TRUB1: variants seen among roughly 807,000 people sequenced by gnomAD.
The protein encoded by TRUB1 is pseudouridylate synthase TRUB1.
A neutral mutation model predicts 33.9 loss-of-function variants in TRUB1; 23 were observed. That is an observed-to-expected ratio of 0.68 (90% CI 0.49 to 0.96). The LOEUF (loss-of-function observed/expected upper bound fraction) is 0.96. Among genes scored for constraint, TRUB1 ranks in the 40% least tolerant of loss-of-function variants. TRUB1 has a pLI of 0.00. For missense variants in TRUB1, 378 were observed against 422.2 expected (o/e 0.90, Z 0.92); for synonymous variants, 163 against 165.4 (o/e 0.99, Z 0.11).
At chr10:114,953,071 C>T (rs2084244319) in intron 3 of TRUB1, among the ~76,000 whole-genome samples, 1 of 152,078 alleles carries the variant, frequency 6.6e-6, no homozygotes, top group Non-Finnish European at 1.5e-5. Context: ...TTCACCCCTC[C>T]TCCCCCAAAC....
At chr10:114,965,675 C>T (rs912651594) in intron 4 of TRUB1, among the ~76,000 whole-genome samples, 3 of 152,084 alleles carry the variant, frequency 2.0e-5, no homozygotes, top group African/African-American at 7.2e-5. Flanking sequence ...TACAGGTAGA[C>T]ATCTGTTCTT....
intron 4 of TRUB1, 158 bp downstream of exon 4, chr10:114,959,965 C>T: frequency 1.7e-6 from 1 of 572,678 alleles, no homozygotes; most frequent in Non-Finnish European, 3.1e-6. Flanking sequence ...CGCATTGTTG[C>T]TTACTTGATA....
rs916627342 is a variant in TRUB1, at chr10:114,977,080, A to C, written c.*1701A>C. On this transcript the variant is annotated 3_prime_UTR_variant, in exon 8 of 8. Coordinates refer to ENST00000298746, the MANE Select transcript of TRUB1 (RefSeq NM_139169.5). ...GCTGTATTTTTCACCTTAAAAATTG[A>C]CACAGAGTTTACTAATAGAGGAGTA... 6.6e-6 allele frequency: 1 copy of C among 152,172 alleles called. No individual in the cohort carries two copies. Among genetic ancestry groups the C allele is most frequent in the Non-Finnish European group, 1.5e-5 (1 of 67,998 alleles). The allele number at this position is 152,172 out of a possible 1,614,324, so 9.4% of individuals were successfully genotyped here. A position where few individuals can be genotyped will look rare whatever the true frequency, so the allele number is the denominator to read the frequency against.
rs372239741 is a variant in TRUB1, at chr10:114,964,706, C to T, written c.523+4899C>T. Among the ~76,000 whole-genome samples the T allele has an allele frequency of 5.9e-5, 9 of 152,196 alleles. No individual in the cohort carries two copies. In the East Asian group the frequency reaches 1.7e-3, roughly 29 times the overall value. On this transcript the variant is annotated intron_variant, in intron 4 of 7. Coordinates refer to ENST00000298746, the MANE Select transcript of TRUB1 (RefSeq NM_139169.5). Reference sequence around the variant, plus strand: ...CACCTTTTCTTCCTGCATGGATGTCCAGTTGCTTCAGCACTTTCCCAGTAC... The same window carrying T: ...CACCTTTTCTTCCTGCATGGATGTCTAGTTGCTTCAGCACTTTCCCAGTAC...
At chr10:114,940,191 G>C (rs149694614) in intron 1 of TRUB1, among the ~76,000 whole-genome samples, 1 of 152,044 alleles carries the variant, frequency 6.6e-6, no homozygotes, top group African/African-American at 2.4e-5. Flanking sequence ...GCAAGATCTC[G>C]GCTCACTGCA....
intron 2 of TRUB1, among the ~76,000 whole-genome samples, chr10:114,950,298 A>G (rs1180272618): frequency 6.6e-6 from 1 of 152,194 alleles, no homozygotes; most frequent in Non-Finnish European, 1.5e-5. Context: ...TGCTGTAAAT[A>G]TTGGAGATAT....
intron 7 of TRUB1, 116 bp from the exon 8 acceptor site, chr10:114,975,007 T>C (rs2084353573): frequency 8.2e-7 from 1 of 1,214,382 alleles, no homozygotes; most frequent in Non-Finnish European, 1.1e-6. Context: ...TGGATTATTA[T>C]ACTTTTGGGT....
chr10:114,940,664 A>G (rs2084182511), intron 1 of TRUB1, among the ~76,000 whole-genome samples: 1 of 152,230 alleles, frequency 6.6e-6, no homozygotes, highest in Non-Finnish European at 1.5e-5. Flanking sequence ...CACTTTATAT[A>G]GTAGAGGCAG....
chr10:114,950,657 A>G (rs1274708497), intron 2 of TRUB1, among the ~76,000 whole-genome samples: 2 of 152,196 alleles, frequency 1.3e-5, no homozygotes, highest in Non-Finnish European at 2.9e-5. Flanking sequence ...GGTGCTAATC[A>G]TCTTTAAATG....
At chr10:114,972,395 A>T (rs1476383505) in intron 6 of TRUB1, 121 bp downstream of exon 6, 4 of 1,131,900 alleles carry the variant, frequency 3.5e-6, no homozygotes, top group Non-Finnish European at 3.7e-6. Flanking sequence ...TTTGAATTTA[A>T]GGAAAGTTAG....
intron 3 of TRUB1, among the ~76,000 whole-genome samples, chr10:114,957,907 G>A (rs1389362652): frequency 1.3e-5 from 2 of 152,192 alleles, no homozygotes; most frequent in Non-Finnish European, 1.5e-5. Context: ...GGAGCTGACT[G>A]TAACCAGATG....
chr10:114,972,660 G>A (rs1215769419), intron 6 of TRUB1, among the ~76,000 whole-genome samples: 1 of 151,942 alleles, frequency 6.6e-6, no homozygotes, highest in African/African-American at 2.4e-5. Flanking sequence ...AATACATTCC[G>A]TTTTAGAACT....
intron 7 of TRUB1, 81 bp from the exon 8 acceptor site, chr10:114,975,042 A>G (rs936256767): frequency 1.4e-6 from 2 of 1,472,444 alleles, no homozygotes; most frequent in African/African-American, 1.4e-5. Flanking sequence ...TCAATTGAGT[A>G]CGGTCATTTG....
In TRUB1 at chr10:114,976,485, A is replaced by G. The variant is rs1284872459; in HGVS notation, c.*1106A>G. The G allele has an allele frequency of 2.6e-4, 40 of 152,278 alleles. 1 individual carries two copies. Among genetic ancestry groups the G allele is most frequent in the Admixed American group, 2.6e-3 (40 of 15,278 alleles). 9.4% of individuals were successfully genotyped at this position (152,278 alleles called of 1,614,324 possible). A position where few individuals can be genotyped will look rare whatever the true frequency, so the allele number is the denominator to read the frequency against. ...TTCATATTTTTGTTATGGGAAAGCA[A>G]TATATTATGCAGCCAGTCTGTAGAA... On this transcript the variant is annotated 3_prime_UTR_variant, in exon 8 of 8. Transcript: ENST00000298746.
At chr10:114,948,422 T>G (rs1490423051) in intron 2 of TRUB1, among the ~76,000 whole-genome samples, 1 of 152,192 alleles carries the variant, frequency 6.6e-6, no homozygotes. Flanking sequence ...TCTGTCTCCC[T>G]ATTATATTGT....
At chr10:114,962,936 T>G (rs1443207175) in intron 4 of TRUB1, among the ~76,000 whole-genome samples, 1 of 152,224 alleles carries the variant, frequency 6.6e-6, no homozygotes, top group Non-Finnish European at 1.5e-5. Flanking sequence ...TCTTCCTGCC[T>G]TCTGCTGCTG....
intron 5 of TRUB1, among the ~76,000 whole-genome samples, chr10:114,971,837 A>T (rs17721905): frequency 6.6e-6 from 1 of 152,136 alleles, no homozygotes; most frequent in Non-Finnish European, 1.5e-5. Flanking sequence ...AGGACAAGAC[A>T]TGAATACATT....
intron 2 of TRUB1, 41 bp downstream of exon 2, chr10:114,942,784 A>C: frequency 7.9e-7 from 1 of 1,270,480 alleles, no homozygotes; most frequent in South Asian, 1.2e-5. Context: ...ACTGTCACTT[A>C]ATATCAGAAA....
At chr10:114,974,453 A>G in intron 7 of TRUB1, 68 bp downstream of exon 7, 1 of 1,401,006 alleles carries the variant, frequency 7.1e-7, no homozygotes, top group Admixed American at 1.7e-5. Context: ...GGAAGAGGGA[A>G]TTTTCCGTTT....
Sources: allele counts gnomAD v4.1 joint callset (sites outside exome capture counted in the v4.1 genomes callset), GRCh38; gene constraint gnomAD v4.1.1; transcripts MANE v1.5; gene names NCBI Gene and HGNC (gene_info 2026-07-23, HGNC 2026-07-21).